CATSPERG: variants seen among roughly 807,000 people sequenced by gnomAD.
CATSPERG encodes cation channel sperm-associated auxiliary subunit gamma.
CATSPERG carries 115 observed loss-of-function variants against 145.0 expected under a neutral mutation model. That is an observed-to-expected ratio of 0.79 (90% CI 0.68 to 0.93). The LOEUF is 0.93. Among genes scored for constraint, CATSPERG ranks in the 40% least tolerant of loss-of-function variants. The pLI, the probability that CATSPERG is intolerant of heterozygous loss-of-function variation, is 0.00. For missense variants in CATSPERG, 1,296 were observed against 1,490.1 expected (o/e 0.87, Z 2.14); for synonymous variants, 588 against 589.0 (o/e 1.00, Z 0.02).
At position 38,370,711 on chromosome 19, in the gene CATSPERG, G is replaced by C; in HGVS notation, c.3399G>C (p.Arg1133Ser). ...GCATGCCGTCTCTGAGACATTCCAG[G>C]ATGGGCTCCATGTTCAGCTCCAGGA... ...ISSMPSLRHS[R>S]MGSMFSSRMT... Residue 1133 changes from arginine (R) to serine (S), a missense_variant, in exon 29 of 29, where the codon AGG becomes AGC. Arg to Ser is a moderately radical substitution (Grantham distance 110, BLOSUM62 -1). Coordinates refer to ENST00000409235, the MANE Select transcript of CATSPERG (RefSeq NM_021185.5). 1 of 1,613,986 alleles carries C rather than the reference G, an allele frequency of 6.2e-7. No homozygotes were observed. Among genetic ancestry groups the C allele is most frequent in the Non-Finnish European group, 8.5e-7 (1 of 1,179,998 alleles).
At chr19:38,356,595 G>A in intron 10 of CATSPERG, 52 bp downstream of exon 10, 4 of 1,601,826 alleles carry the variant, frequency 2.5e-6, no homozygotes, top group Non-Finnish European at 3.4e-6. Flanking sequence ...AACTGAGGAT[G>A]CAGAAGAGCA....
In CATSPERG at chr19:38,340,604, G is replaced by A. The variant is rs180722822; in HGVS notation, c.324+2958G>A. Among the ~76,000 whole-genome samples the A allele has an allele frequency of 1.2e-4, 18 of 151,994 alleles. No homozygotes were observed. In the South Asian group the frequency reaches 3.7e-3, roughly 32 times the overall value. On this transcript the variant is annotated intron_variant, in intron 3 of 28. Coordinates refer to ENST00000409235, the MANE Select transcript of CATSPERG (RefSeq NM_021185.5). ...CAAAGTGCTGGGATTATAGATGTGA[G>A]CCACCGCGCCCGGCCAATAATTTTA...
intron 3 of CATSPERG, among the ~76,000 whole-genome samples, chr19:38,341,416 C>T (rs1220226412): frequency 1.3e-5 from 2 of 152,180 alleles, no homozygotes; most frequent in South Asian, 4.1e-4. Flanking sequence ...AGCACCTTCT[C>T]CTCTGCAATG....
Position 38,360,913 on chromosome 19 carries a change from TGA to T in CATSPERG, c.1880+76_1880+77del, listed in dbSNP as rs144277907. 6.8e-5 allele frequency: 89 copies of T among 1,304,730 alleles called. 1 individual carries two copies. In the African/African-American group the frequency reaches 1.1e-3, roughly 16 times the overall value. The allele number at this position is 1,304,730 out of a possible 1,614,324, so 80.8% of individuals were successfully genotyped here. A position where few individuals can be genotyped will look rare whatever the true frequency, so the allele number is the denominator to read the frequency against. On this transcript the variant is annotated intron_variant, in intron 16 of 28. Coordinates refer to ENST00000409235, the MANE Select transcript of CATSPERG (RefSeq NM_021185.5). Reference sequence around the variant, plus strand: ...ACTGCCCTCCTGAAGCTACCATTCTTGAGAGAGGGGAGACCGAGCTAACCCCA... The same window carrying T: ...ACTGCCCTCCTGAAGCTACCATTCTTGAGAGGGGAGACCGAGCTAACCCCA...
At chr19:38,352,604 T>C in intron 8 of CATSPERG, 172 bp downstream of exon 8, 2 of 613,608 alleles carry the variant, frequency 3.3e-6, no homozygotes, top group Non-Finnish European at 5.6e-6. Flanking sequence ...CCTTTTTTTT[T>C]TTTTTTTTTT....
At chr19:38,339,266 A>AGGGAGCC (rs1555726567) in intron 3 of CATSPERG, among the ~76,000 whole-genome samples, 2 of 152,006 alleles carry the variant, frequency 1.3e-5, no homozygotes, top group Admixed American at 1.3e-4. Flanking sequence ...CGCAAGGAGC[A>AGGGAGCC]AGCAAGTCTA....
At chr19:38,340,037 A>G (rs934620923) in intron 3 of CATSPERG, among the ~76,000 whole-genome samples, 25 of 151,878 alleles carry the variant, frequency 1.6e-4, no homozygotes, top group African/African-American at 6.0e-4. Context: ...ATATTTTAGT[A>G]GAGACAGGGT....
intron 12 of CATSPERG, 31 bp from the exon 13 acceptor site, chr19:38,358,401 G>T: frequency 2.5e-6 from 4 of 1,614,130 alleles, no homozygotes; most frequent in Non-Finnish European, 3.4e-6. Context: ...CCACTTCACT[G>T]CTGTGTCCTC....
Position 38,362,819 on chromosome 19 carries a change from C to T in CATSPERG, c.2462C>T (p.Ser821Leu), listed in dbSNP as rs1042441335. 2.5e-6 allele frequency: 4 copies of T among 1,603,480 alleles called. No homozygotes were observed. The African/African-American group carries it at 4.1e-5, about 16-fold the overall frequency. The change falls in exon 20 of 29, where the codon TCG becomes TTG. Residue 821 changes from serine to leucine, a missense_variant. Coordinates refer to ENST00000409235, the MANE Select transcript of CATSPERG (RefSeq NM_021185.5). ...VKQEVLINRN[S>L]VLFSITLKDK... ...CAGGAGGTCCTGATTAATCGCAACT[C>T]GGTGCTATTTTCGGTGAGGCCCCCC...
At chr19:38,348,876 C>T (rs1301571993) in intron 7 of CATSPERG, 1 of 152,036 alleles carries the variant, frequency 6.6e-6, no homozygotes, top group Admixed American at 6.6e-5. Context: ...AAGTGAAATC[C>T]ATAAATTTAA....
At chr19:38,352,458 G>A (rs1970159050) in intron 8 of CATSPERG, 26 bp downstream of exon 8, 1 of 1,550,670 alleles carries the variant, frequency 6.4e-7, no homozygotes, top group Non-Finnish European at 8.7e-7. Flanking sequence ...CTGGACCCAC[G>A]CCTGGGGAGG....
At chr19:38,359,951 TG>T in intron 14 of CATSPERG, 1 of 1,037,056 alleles carries the variant, frequency 9.6e-7, no homozygotes, top group South Asian at 3.6e-5. Flanking sequence ...TGGCCCCGTC[TG>T]GGGGCTTGTG....
Position 38,364,514 on chromosome 19 carries a change from C to T in CATSPERG, c.2476-377C>T, listed in dbSNP as rs112388041. 3.0e-4 allele frequency among the ~76,000 whole-genome samples: 46 copies of T among 152,272 alleles called. 1 individual carries two copies. Among genetic ancestry groups the T allele is most frequent in the African/African-American group, 9.9e-4 (41 of 41,558 alleles). On this transcript the variant is annotated intron_variant, in intron 20 of 28. Coordinates refer to ENST00000409235, the MANE Select transcript of CATSPERG (RefSeq NM_021185.5). The stretch of plus-strand genomic sequence containing the variant: ...GCAGAGACACTCCTCACTTCCCAGA[C>T]GGGGTGGCGGCCGGGCAGAGGCTGC...
At chr19:38,349,119 C>G (rs886765402) in intron 7 of CATSPERG, 7 of 152,054 alleles carry the variant, frequency 4.6e-5, no homozygotes, top group African/African-American at 1.2e-4. Flanking sequence ...ATCCTATGAT[C>G]CTGTTTTAGT....
intron 1 of CATSPERG, 87 bp downstream of exon 1, chr19:38,335,962 GGAAGGCGA>G (rs1385327321): frequency 3.5e-6 from 1 of 286,624 alleles, no homozygotes; most frequent in Non-Finnish European, 7.1e-6. Flanking sequence ...GAGGGGAAGG[GGAAGGCGA>G]GAAGGGGAGA....
intron 4 of CATSPERG, 131 bp downstream of exon 4, chr19:38,343,855 G>T: frequency 5.7e-6 from 8 of 1,398,268 alleles, no homozygotes; most frequent in Non-Finnish European, 7.7e-6. Context: ...GGCCTAGAGG[G>T]GCCACACAGA....
chr19:38,343,892 G>A (rs1008220234), intron 4 of CATSPERG, 101 bp from the exon 5 acceptor site: 2 of 1,460,306 alleles, frequency 1.4e-6, no homozygotes, highest in East Asian at 2.5e-5. Flanking sequence ...ATGGCGTGGA[G>A]GCAGGTATGG....
intron 14 of CATSPERG, chr19:38,359,982 TGGG>T (rs1203890228): frequency 4.6e-5 from 48 of 1,035,092 alleles, no homozygotes; most frequent in Middle Eastern, 4.9e-4. Context: ...GAGGGCTTCA[TGGG>T]GGAGACCACA....
Position 38,354,770 on chromosome 19 carries a change from A to G in CATSPERG, c.1058A>G (p.His353Arg), listed in dbSNP as rs774060715. 23 of 1,614,038 alleles carry G rather than the reference A, an allele frequency of 1.4e-5. No homozygotes were observed. The highest frequency in any genetic ancestry group is 1.8e-5 in the Non-Finnish European group (21 of 1,180,038). The change falls in exon 9 of 29, where the codon CAT becomes CGT. Residue 353 changes from histidine to arginine, a missense_variant. His to Arg is a conservative substitution (Grantham distance 29). Transcript: ENST00000409235. ...AAGAAGCTGTGCCCTGTGTATTTCC[A>G]TAGCAATGGCTCTGAGTACATAATG... Reference protein sequence around the residue: ...CIKKLCPVYFHSNGSEYIMAL... With the variant: ...CIKKLCPVYFRSNGSEYIMAL...
Sources: allele counts gnomAD v4.1 joint callset (sites outside exome capture counted in the v4.1 genomes callset), GRCh38; gene constraint gnomAD v4.1.1; transcripts MANE v1.5; gene names NCBI Gene and HGNC (gene_info 2026-07-23, HGNC 2026-07-21).